The following WDR44 variants were observed in gnomAD, a reference collection of about 807,000 sequenced individuals.
WDR44 encodes the protein WD repeat-containing protein 44.
Under a neutral mutation model 65.7 loss-of-function variants are expected in WDR44, and 9 were observed. That is an observed-to-expected ratio of 0.14 (90% CI 0.08 to 0.24). The LOEUF (loss-of-function observed/expected upper bound fraction) is 0.24. Ranked by LOEUF, WDR44 falls within the 10% of genes least tolerant of loss-of-function variation. The pLI is 1.00. For missense variants in WDR44, 425 were observed against 670.9 expected (o/e 0.63, Z 4.05); for synonymous variants, 220 against 235.2 (o/e 0.94, Z 0.59).
Position 118,395,347 on chromosome X carries a change from A to T in WDR44, c.1053+3A>T. ...CTGGGAGAGAGCTTACTGATGAGGT[A>T]GAAATAGATTTTTTTGTTCTTGTTC... is the stretch of plus-strand genomic sequence containing the variant. On this transcript the variant is annotated splice_donor_region_variant and intron_variant, in intron 6 of 19. Transcript: ENST00000254029. The T allele has an allele frequency of 8.4e-7, 1 of 1,189,056 alleles. No individual in the cohort carries two copies.
At chrX:118,386,851 G>A (rs947696884) in intron 2 of WDR44, among the ~76,000 whole-genome samples, 1 of 111,054 alleles carries the variant, frequency 9.0e-6, no homozygotes, top group Non-Finnish European at 1.9e-5. Context: ...GTCCCATTTG[G>A]CATAAAATTT....
chrX:118,392,759 G>A lies in WDR44; in HGVS notation c.314G>A (p.Ser105Asn). 8.3e-7 allele frequency: 1 copy of A among 1,211,755 alleles called. No homozygotes were observed. Among genetic ancestry groups the A allele is most frequent in the Non-Finnish European group, 1.1e-6 (1 of 895,515 alleles). Residue 105 changes from serine to asparagine, a missense_variant, in exon 4 of 20, where the codon AGC (serine) becomes AAC (asparagine). Transcript: ENST00000254029. The part of the protein sequence containing the change: ...ASPIVARTDL[S>N]NIPGLLAIDQ... ...CCTATTGTGGCTAGAACAGATCTGAGCAATATACCCGGACTGTTAGCCATA... is the reference window on the plus strand; with the variant it reads ...CCTATTGTGGCTAGAACAGATCTGAACAATATACCCGGACTGTTAGCCATA...
chrX:118,441,973 T>A (rs1370445022), intron 15 of WDR44, among the ~76,000 whole-genome samples: 1 of 111,716 alleles, frequency 9.0e-6, no homozygotes, highest in Non-Finnish European at 1.9e-5. Context: ...AACTCCTGAC[T>A]TCAAGTGATT....
At chrX:118,423,100 A>G (rs1303378172) in intron 12 of WDR44, among the ~76,000 whole-genome samples, 1 of 112,382 alleles carries the variant, frequency 8.9e-6, no homozygotes, top group Admixed American at 9.4e-5. Flanking sequence ...TCTGTGAACA[A>G]GAGACAAAAA....
chrX:118,356,937 G>A (rs62608343), intron 1 of WDR44, among the ~76,000 whole-genome samples: 9,883 of 104,398 alleles, frequency 0.095, 446 homozygotes, highest in African/African-American at 0.15. Context: ...TCCACCTCCC[G>A]GGTTCAAGCG....
intron 1 of WDR44, among the ~76,000 whole-genome samples, chrX:118,360,141 G>A (rs1333435352): frequency 8.9e-6 from 1 of 111,942 alleles, no homozygotes; most frequent in Non-Finnish European, 1.9e-5. Context: ...GAGTGGTACT[G>A]TTACAAATTA....
chrX:118,376,907 G>T (rs2056665301), intron 1 of WDR44, among the ~76,000 whole-genome samples: 1 of 110,940 alleles, frequency 9.0e-6, no homozygotes. Flanking sequence ...GGAGGCTGAG[G>T]TGGGAGGATT....
rs755408318 is a variant in WDR44 at position 118,443,820 on chromosome X, G to A, written c.2512+133G>A. On this transcript the variant is annotated intron_variant, in intron 18 of 19. Coordinates refer to ENST00000254029, the MANE Select transcript of WDR44 (RefSeq NM_019045.5). ...AGCACTTTGGGAGGCCCATACGGGT[G>A]TATCACGAGGTCAGGAGATCGAGAC... 2.2e-4 allele frequency: 121 copies of A among 540,118 alleles called. No homozygotes were observed. In the African/African-American group the frequency reaches 2.6e-3, roughly 12 times the overall value. The allele number at this position is 540,118 out of a possible 1,213,427, so 44.5% of individuals were successfully genotyped here.
intron 1 of WDR44, among the ~76,000 whole-genome samples, chrX:118,349,559 C>A (rs2056384142): frequency 1.1e-5 from 1 of 92,612 alleles, no homozygotes; most frequent in Non-Finnish European, 2.1e-5. Flanking sequence ...ATATGAGGAA[C>A]ATTTTTTTTT....
chrX:118,443,511 A>G (rs1384785446), intron 17 of WDR44, 49 bp from the exon 18 acceptor site: 5 of 1,179,715 alleles, frequency 4.2e-6, no homozygotes, highest in Middle Eastern at 2.4e-4. Flanking sequence ...ACCTTTAAAC[A>G]TATACACACA....
At chrX:118,421,137 A>T (rs2380314) in intron 12 of WDR44, among the ~76,000 whole-genome samples, 47,873 of 110,728 alleles carry the variant, frequency 0.43, 10,648 homozygotes, top group African/African-American at 0.85. Context: ...AATGTAGCAG[A>T]GATAATTTTA....
chrX:118,424,837 C>A (rs1419531079), intron 12 of WDR44, among the ~76,000 whole-genome samples: 2 of 111,311 alleles, frequency 1.8e-5, no homozygotes, highest in Non-Finnish European at 3.8e-5. Context: ...CAGCTTCAGG[C>A]CTTACATTTA....
intron 3 of WDR44, among the ~76,000 whole-genome samples, chrX:118,390,279 G>C (rs1478768272): frequency 2.7e-5 from 3 of 110,039 alleles, no homozygotes; most frequent in Non-Finnish European, 3.8e-5. Flanking sequence ...TGTGTGTCTT[G>C]GTTCTCATTG....
chrX:118,404,014 G>T (rs967386134), intron 8 of WDR44, among the ~76,000 whole-genome samples: 10 of 111,697 alleles, frequency 9.0e-5, no homozygotes, highest in Admixed American at 7.7e-4. Context: ...GATTATCTGG[G>T]GATGGAGCTG....
chrX:118,414,407 G>A lies in WDR44; in HGVS notation c.1737+3448G>A, dbSNP rs776503981. Among the ~76,000 whole-genome samples, 4 of 109,123 alleles carry A rather than the reference G, an allele frequency of 3.7e-5. No individual in the cohort carries two copies. The East Asian group carries it at 1.1e-3, about 31-fold the overall frequency. The allele number at this position is 109,123 out of a possible 115,157, so 94.8% of individuals were successfully genotyped here. On this transcript the variant is annotated intron_variant, in intron 12 of 19. Transcript: ENST00000254029. ...CACTATTCACAATAGCAAAGTCTTG[G>A]AACCAACCCAAATGTCCAACAATAA...
intron 1 of WDR44, among the ~76,000 whole-genome samples, chrX:118,352,573 C>T (rs1412369295): frequency 1.9e-5 from 2 of 106,829 alleles, no homozygotes; most frequent in Non-Finnish European, 3.8e-5. Flanking sequence ...AAAATAATTT[C>T]TAATTATTGG....
At chrX:118,367,116 G>A (rs1020980976) in intron 1 of WDR44, among the ~76,000 whole-genome samples, 1 of 111,786 alleles carries the variant, frequency 8.9e-6, no homozygotes, top group Non-Finnish European at 1.9e-5. Context: ...TGGTTTCTGG[G>A]ATTTGCTTCA....
intron 12 of WDR44, among the ~76,000 whole-genome samples, chrX:118,425,380 G>A (rs1166428217): frequency 1.8e-5 from 2 of 112,149 alleles, no homozygotes; most frequent in African/African-American, 6.5e-5. Context: ...AGGCATGGTG[G>A]CTTATGCCTG....
At chrX:118,411,339 A>G (rs2057011354) in intron 12 of WDR44, among the ~76,000 whole-genome samples, 1 of 112,155 alleles carries the variant, frequency 8.9e-6, no homozygotes, top group African/African-American at 3.2e-5. Flanking sequence ...TTGGTTTAAT[A>G]AACACTTTAT....
Sources: gnomAD v4.1 joint callset for allele counts (sites outside exome capture counted in the v4.1 genomes callset) on GRCh38, gnomAD v4.1.1 for gene constraint, MANE v1.5 for transcripts, NCBI Gene and HGNC (gene_info 2026-07-23, HGNC 2026-07-21) for gene names.